RALA: variants seen among roughly 807,000 people sequenced by gnomAD.
RALA encodes ras-related protein Ral-A.
A neutral mutation model predicts 24.0 loss-of-function variants in RALA; 5 were observed. The observed-to-expected ratio is 0.21, with a 90% CI of 0.11 to 0.44. The LOEUF is 0.44. RALA is among the 20% of genes least tolerant of loss of function. RALA has a pLI of 0.99. For synonymous variants in RALA, 77 were observed against 83.8 expected (o/e 0.92, Z 0.44); for missense variants, 95 against 241.2 (o/e 0.39, Z 4.01).
In RALA at chr7:39,662,052, G is replaced by A. The variant is rs765748119; in HGVS notation, c.-37-24579G>A. Among the ~76,000 whole-genome samples the A allele has an allele frequency of 3.3e-5, 5 of 152,168 alleles. No homozygotes were observed. In the East Asian group the frequency reaches 5.8e-4, roughly 18 times the overall value. On this transcript the variant is annotated intron_variant, in intron 1 of 4. Coordinates refer to ENST00000005257, the MANE Select transcript of RALA (RefSeq NM_005402.4). ...CTTGCACCTTCTGAAACCACAACCC[G>A]ACCTGTACCCTGGCCCCTTTTAGTC...
At chr7:39,702,916 G>C (rs1793054580) in intron 4 of RALA, 1 of 152,206 alleles carries the variant, frequency 6.6e-6, no homozygotes. Context: ...TATGAGGAAT[G>C]AGCTCTGGTG....
chr7:39,645,434 C>A (rs1791908490), intron 1 of RALA, among the ~76,000 whole-genome samples: 1 of 152,006 alleles, frequency 6.6e-6, no homozygotes, highest in South Asian at 2.1e-4. Flanking sequence ...GACACATTGA[C>A]AATTATGGCC....
chr7:39,634,137 T>C (rs1284823859), intron 1 of RALA, among the ~76,000 whole-genome samples: 1 of 152,148 alleles, frequency 6.6e-6, no homozygotes, highest in Non-Finnish European at 1.5e-5. Flanking sequence ...CAACTCTCAG[T>C]CCATGGCCTG....
chr7:39,676,062 G>A (rs1186446250), intron 1 of RALA, among the ~76,000 whole-genome samples: 10 of 152,144 alleles, frequency 6.6e-5, no homozygotes, highest in South Asian at 6.2e-4. Context: ...TGGAAGCTCC[G>A]CCTCCTGGGT....
At chr7:39,624,750 A>C (rs1791450889) in intron 1 of RALA, among the ~76,000 whole-genome samples, 1 of 152,152 alleles carries the variant, frequency 6.6e-6, no homozygotes, top group Non-Finnish European at 1.5e-5. Flanking sequence ...CCTAATTTAC[A>C]AATTGTGTGG....
At chr7:39,682,234 G>C (rs1792616499) in intron 1 of RALA, among the ~76,000 whole-genome samples, 1 of 152,232 alleles carries the variant, frequency 6.6e-6, no homozygotes, top group African/African-American at 2.4e-5. Context: ...TGCACTTAGT[G>C]AGTGGTCAGT....
At chr7:39,662,384 C>G (rs1024472041) in intron 1 of RALA, among the ~76,000 whole-genome samples, 2 of 152,124 alleles carry the variant, frequency 1.3e-5, no homozygotes, top group African/African-American at 4.8e-5. Context: ...ATTGCATTGT[C>G]AGGCTGCAAA....
intron 1 of RALA, among the ~76,000 whole-genome samples, chr7:39,670,048 T>C (rs1792353955): frequency 6.6e-6 from 1 of 152,200 alleles, no homozygotes; most frequent in Non-Finnish European, 1.5e-5. Flanking sequence ...GCTATATATA[T>C]GCTTAATTTG....
intron 1 of RALA, among the ~76,000 whole-genome samples, chr7:39,678,102 G>A (rs1469609019): frequency 5.3e-5 from 8 of 150,340 alleles, no homozygotes; most frequent in African/African-American, 7.4e-5. Flanking sequence ...TAGATGACGC[G>A]TTAGTGGGTG....
At chr7:39,699,370 G>C (rs1745534772) in intron 4 of RALA, among the ~76,000 whole-genome samples, 1 of 151,640 alleles carries the variant, frequency 6.6e-6, no homozygotes, top group Non-Finnish European at 1.5e-5. Context: ...TTGATCTCCT[G>C]ACCTCATGAT....
At chr7:39,682,728 C>T (rs113310957) in intron 1 of RALA, among the ~76,000 whole-genome samples, 3,598 of 152,264 alleles carry the variant, frequency 0.024, 84 homozygotes, top group East Asian at 0.15. Context: ...CTGCAACCTC[C>T]GCCTCCTGAG....
chr7:39,686,519 A>G, intron 1 of RALA, 112 bp from the exon 2 acceptor site: 1 of 598,640 alleles, frequency 1.7e-6, no homozygotes, highest in Non-Finnish European at 2.9e-6. Flanking sequence ...TCTGTTTAAA[A>G]TCACTACAGA....
At chr7:39,689,418 C>A (rs1177028814) in intron 2 of RALA, among the ~76,000 whole-genome samples, 1 of 152,174 alleles carries the variant, frequency 6.6e-6, no homozygotes, top group Non-Finnish European at 1.5e-5. Context: ...TATTGAGTAT[C>A]TCCCATGTAA....
chr7:39,694,590 A>G (rs1792884640), intron 3 of RALA, among the ~76,000 whole-genome samples: 1 of 152,230 alleles, frequency 6.6e-6, no homozygotes, highest in African/African-American at 2.4e-5. Flanking sequence ...AAATGTATGT[A>G]AGTCCTGAAA....
chr7:39,702,101 A>AT (rs1793039461), intron 4 of RALA, among the ~76,000 whole-genome samples: 1 of 152,182 alleles, frequency 6.6e-6, no homozygotes, highest in Non-Finnish European at 1.5e-5. Context: ...AATACACTGT[A>AT]TTTTTTGGAA....
chr7:39,696,245 T>C lies in RALA; in HGVS notation c.324-440T>C, dbSNP rs139908839. On this transcript the variant is annotated intron_variant, in intron 3 of 4. Coordinates refer to ENST00000005257, the MANE Select transcript of RALA (RefSeq NM_005402.4). ...GACCCTTGATATGATGCAATAAGAA[T>C]AGCACTTTCTAAATCTTCCTCCCAA... 1.2e-4 allele frequency among the ~76,000 whole-genome samples: 19 copies of C among 152,314 alleles called. No individual in the cohort carries two copies. In the East Asian group the frequency reaches 3.5e-3, roughly 28 times the overall value.
chr7:39,663,208 G>T (rs1792224732), intron 1 of RALA, among the ~76,000 whole-genome samples: 1 of 152,156 alleles, frequency 6.6e-6, no homozygotes, highest in African/African-American at 2.4e-5. Context: ...TATATGTGGT[G>T]CCATTTGCAG....
chr7:39,654,186 A>G (rs542935710), intron 1 of RALA, among the ~76,000 whole-genome samples: 1 of 152,246 alleles, frequency 6.6e-6, no homozygotes, highest in Non-Finnish European at 1.5e-5. Context: ...ATTGAATTGT[A>G]TGAATCAAGA....
intron 1 of RALA, among the ~76,000 whole-genome samples, chr7:39,667,393 T>C (rs968491210): frequency 6.6e-6 from 1 of 152,188 alleles, no homozygotes; most frequent in Non-Finnish European, 1.5e-5. Flanking sequence ...AATTCTGTAA[T>C]AGCACTGAGA....
Sources: allele counts gnomAD v4.1 joint callset (sites outside exome capture counted in the v4.1 genomes callset), GRCh38; gene constraint gnomAD v4.1.1; transcripts MANE v1.5; gene names NCBI Gene and HGNC (gene_info 2026-07-23, HGNC 2026-07-21).